SPDYA: variants seen among roughly 807,000 people sequenced by gnomAD.
The protein encoded by SPDYA is speedy protein A.
In SPDYA, 11 loss-of-function variants were observed where a neutral mutation model predicts 36.7. That is an observed-to-expected ratio of 0.30 (90% CI 0.19 to 0.50). The LOEUF (loss-of-function observed/expected upper bound fraction) is 0.50, where lower values mean the gene tolerates loss of function less well. Ranked by LOEUF, SPDYA falls within the 20% of genes least tolerant of loss-of-function variation. The probability of loss-of-function intolerance (pLI) is 0.98; values close to 1 mark genes in which losing one functional copy is unlikely to be tolerated. For missense variants in SPDYA, 287 were observed against 370.9 expected (o/e 0.77, Z 1.86); for synonymous variants, 115 against 118.7 (o/e 0.97, Z 0.20).
chr2:28,830,616 G>A (rs1668458408), intron 6 of SPDYA, among the ~76,000 whole-genome samples: 1 of 152,104 alleles, frequency 6.6e-6, no homozygotes, highest in African/African-American at 2.4e-5. Context: ...CAATAACACT[G>A]GAGTTGAATA....
At chr2:28,847,999 G>T (rs1375704490) in intron 7 of SPDYA, among the ~76,000 whole-genome samples, 1 of 152,114 alleles carries the variant, frequency 6.6e-6, no homozygotes, top group Non-Finnish European at 1.5e-5. Context: ...TGTGTAGTAG[G>T]CTATACCACC....
Position 28,843,268 on chromosome 2 carries a change from G to C in SPDYA, c.850+2799G>C, listed in dbSNP as rs530918465. Among the ~76,000 whole-genome samples, 493 of 152,220 alleles carry C rather than the reference G, an allele frequency of 3.2e-3. 2 individuals are homozygous for C. The highest frequency in any genetic ancestry group is 0.011 in the African/African-American group (452 of 41,522). ...TACTGTCAAAAATTTGACTTTTGGG[G>C]CCGGGCACGGTGGCTTGTGCCTGTA... On this transcript the variant is annotated intron_variant, in intron 7 of 7. Coordinates refer to ENST00000334056, the MANE Select transcript of SPDYA (RefSeq NM_182756.4).
At position 28,849,958 on chromosome 2, in the gene SPDYA, C is replaced by A; in HGVS notation, c.*17C>A. On this transcript the variant is annotated 3_prime_UTR_variant, in exon 8 of 8. Transcript: ENST00000334056. The stretch of plus-strand genomic sequence containing the variant: ...GAAGAATGAGATGGCCCAACTAAAC[C>A]AATTTGGAATCATTAACTACAAAAT... The A allele has an allele frequency of 6.5e-7, 1 of 1,536,034 alleles. No homozygotes were observed. The highest frequency in any genetic ancestry group is 8.9e-7 in the Non-Finnish European group (1 of 1,128,068).
rs1438506127 is a variant in SPDYA at position 28,850,220 on chromosome 2, C to G, written c.*279C>G. Reference sequence around the variant, plus strand: ...GTACTCAGTTAAGTTGTGGTTTGACCTTCCTCAACTTGACAAGAAAAGCTA... The same window carrying G: ...GTACTCAGTTAAGTTGTGGTTTGACGTTCCTCAACTTGACAAGAAAAGCTA... On this transcript the variant is annotated 3_prime_UTR_variant, in exon 8 of 8. Coordinates refer to ENST00000334056, the MANE Select transcript of SPDYA (RefSeq NM_182756.4). 1.2e-6 allele frequency: 2 copies of G among 1,611,496 alleles called. No individual in the cohort carries two copies. Among genetic ancestry groups the G allele is most frequent in the Admixed American group, 1.7e-5 (1 of 59,888 alleles).
At chr2:28,840,695 C>T in intron 7 of SPDYA, 2 of 1,265,144 alleles carry the variant, frequency 1.6e-6, no homozygotes, top group South Asian at 2.5e-5. Context: ...AAGTTGAAAA[C>T]TAATGCACCA....
Position 28,850,049 on chromosome 2 carries a change from TTTTAG to T in SPDYA, c.*111_*115del. 8.6e-7 allele frequency: 1 copy of T among 1,164,618 alleles called. No individual in the cohort carries two copies. Among genetic ancestry groups the T allele is most frequent in the Non-Finnish European group, 1.2e-6 (1 of 805,720 alleles). The allele number at this position is 1,164,618 out of a possible 1,614,324, so 72.1% of individuals were successfully genotyped here. ...AAGCAGTTTTGCTATGTTATACATC[TTTTAG>T]TTGTTATTTTCAAAATTATATGTAT... On this transcript the variant is annotated 3_prime_UTR_variant, in exon 8 of 8. Transcript: ENST00000334056.
At chr2:28,816,340 A>T in intron 3 of SPDYA, 91 bp downstream of exon 3, 1 of 974,268 alleles carries the variant, frequency 1.0e-6, no homozygotes, top group Non-Finnish European at 1.4e-6. Flanking sequence ...ATCAAAGAGG[A>T]TATCATTATT....
intron 5 of SPDYA, among the ~76,000 whole-genome samples, chr2:28,825,822 C>T (rs542250129): frequency 6.6e-6 from 1 of 152,052 alleles, no homozygotes; most frequent in South Asian, 2.1e-4. Context: ...ACTGCAACCT[C>T]TACCTCTAGG....
intron 6 of SPDYA, among the ~76,000 whole-genome samples, chr2:28,833,026 G>A (rs1416296214): frequency 1.3e-5 from 2 of 151,978 alleles, no homozygotes; most frequent in Non-Finnish European, 2.9e-5. Flanking sequence ...TGTAGAGATG[G>A]GGTCTCGCTA....
Position 28,822,310 on chromosome 2 carries a change from C to A in SPDYA, c.295-15C>A. ...GCAAAACATTAATATTAATTTTTAA[C>A]TTTTTTCCTTATAGTATCTTTTGGC... On this transcript the variant is annotated splice_polypyrimidine_tract_variant and intron_variant, in intron 4 of 7. Coordinates refer to ENST00000334056, the MANE Select transcript of SPDYA (RefSeq NM_182756.4). The A allele has an allele frequency of 7.4e-7, 1 of 1,357,928 alleles. No homozygotes were observed. Among genetic ancestry groups the A allele is most frequent in the South Asian group, 1.5e-5 (1 of 68,644 alleles). 84.1% of individuals were successfully genotyped at this position (1,357,928 alleles called of 1,614,324 possible). A position where few individuals can be genotyped will look rare whatever the true frequency, so the allele number is the denominator to read the frequency against.
At chr2:28,849,713 A>C in intron 7 of SPDYA, 137 bp from the exon 8 acceptor site, 1 of 561,936 alleles carries the variant, frequency 1.8e-6, no homozygotes, top group Non-Finnish European at 3.1e-6. Flanking sequence ...TGATTATATC[A>C]TTCTTAAGTT....
At chr2:28,821,453 G>A (rs1029685276) in intron 4 of SPDYA, among the ~76,000 whole-genome samples, 13 of 151,970 alleles carry the variant, frequency 8.6e-5, no homozygotes, top group African/African-American at 2.9e-4. Context: ...CACCCGCCTC[G>A]ACCTCCCAAA....
chr2:28,837,223 A>G (rs1471887919), intron 6 of SPDYA, among the ~76,000 whole-genome samples: 1 of 152,224 alleles, frequency 6.6e-6, no homozygotes, highest in Non-Finnish European at 1.5e-5. Flanking sequence ...AGCAGTGCTG[A>G]AGAAAATGAA....
chr2:28,847,515 G>A (rs1172178116), intron 7 of SPDYA, among the ~76,000 whole-genome samples: 1 of 151,618 alleles, frequency 6.6e-6, no homozygotes, highest in Admixed American at 6.6e-5. Context: ...GCCGAGGCAG[G>A]TGGATGGATC....
chr2:28,830,925 ATTAG>A (rs1320603617), intron 6 of SPDYA, among the ~76,000 whole-genome samples: 1 of 152,224 alleles, frequency 6.6e-6, no homozygotes, highest in East Asian at 1.9e-4. Flanking sequence ...AAGCTCTAGT[ATTAG>A]TTAAGAAAAA....
rs1022649617 is a variant in SPDYA at position 28,850,086 on chromosome 2, T to C, written c.*145T>C. 32 of 1,178,824 alleles carry C rather than the reference T, an allele frequency of 2.7e-5. No homozygotes were observed. The highest frequency in any genetic ancestry group is 7.4e-5 in the East Asian group (3 of 40,764). 73.0% of individuals were successfully genotyped at this position (1,178,824 alleles called of 1,614,324 possible). On this transcript the variant is annotated 3_prime_UTR_variant, in exon 8 of 8. Transcript: ENST00000334056. ...TTTTCAAAATTATATGTATAAGTTA[T>C]ATAAGTCATAGTAATAGCTAAAAAT...
intron 5 of SPDYA, among the ~76,000 whole-genome samples, chr2:28,823,732 TATATATATATATAA>T (rs1301291013): frequency 3.2e-5 from 3 of 94,128 alleles, no homozygotes; most frequent in Non-Finnish European, 6.9e-5. Context: ...TATATATATA[TATATATATATATAA>T]AATTTTTTTT....
At chr2:28,819,498 A>T (rs1668078985) in intron 4 of SPDYA, among the ~76,000 whole-genome samples, 1 of 151,918 alleles carries the variant, frequency 6.6e-6, no homozygotes, top group Non-Finnish European at 1.5e-5. Flanking sequence ...ATAGAGCAAG[A>T]CTCTGTCTCT....
At chr2:28,813,895 GC>G (rs2148073735) in intron 1 of SPDYA, among the ~76,000 whole-genome samples, 1 of 152,224 alleles carries the variant, frequency 6.6e-6, no homozygotes, top group African/African-American at 2.4e-5. Flanking sequence ...AAAAAAATAT[GC>G]AGATGAGGCC....
Sources: gnomAD v4.1 joint callset for allele counts (sites outside exome capture counted in the v4.1 genomes callset) on GRCh38, gnomAD v4.1.1 for gene constraint, MANE v1.5 for transcripts, NCBI Gene and HGNC (gene_info 2026-07-23, HGNC 2026-07-21) for gene names.